Variants in TCF12 observed in about 807,000 individuals in gnomAD.
TCF12 encodes transcription factor 12.
Under a neutral mutation model 86.0 loss-of-function variants are expected in TCF12, and 45 were observed. That is an observed-to-expected ratio of 0.52 (90% CI 0.41 to 0.67). The LOEUF (loss-of-function observed/expected upper bound fraction) is 0.67. Ranked by LOEUF, TCF12 falls within the 30% of genes least tolerant of loss-of-function variation. The probability of loss-of-function intolerance (pLI) is 0.00; values close to 1 mark genes in which losing one functional copy is unlikely to be tolerated. For missense variants in TCF12, 881 were observed against 859.9 expected (o/e 1.02, Z -0.31); for synonymous variants, 330 against 299.6 (o/e 1.10, Z -1.05).
intron 4 of TCF12, among the ~76,000 whole-genome samples, chr15:57,087,812 G>A (rs2048746469): frequency 6.6e-6 from 1 of 152,064 alleles, no homozygotes; most frequent in South Asian, 2.1e-4. Context: ...AAATATTTTG[G>A]TGTTCAATAG....
At chr15:57,179,130 A>C (rs2056158613) in intron 6 of TCF12, among the ~76,000 whole-genome samples, 1 of 152,064 alleles carries the variant, frequency 6.6e-6, no homozygotes, top group Non-Finnish European at 1.5e-5. Flanking sequence ...AAACTACTAG[A>C]TTGTCACGTT....
At chr15:57,085,696 A>G (rs185495406) in intron 4 of TCF12, among the ~76,000 whole-genome samples, 149 of 152,314 alleles carry the variant, frequency 9.8e-4, no homozygotes, top group East Asian at 7.7e-4. Context: ...CAGTAAGAAC[A>G]CTTTTCTCTC....
intron 5 of TCF12, among the ~76,000 whole-genome samples, chr15:57,095,698 G>A (rs1436186816): frequency 6.6e-6 from 1 of 152,054 alleles, no homozygotes; most frequent in Admixed American, 6.6e-5. Flanking sequence ...TGTAATATGT[G>A]GTGGTACAGG....
chr15:57,058,362 T>C (rs1356367026), intron 3 of TCF12, among the ~76,000 whole-genome samples: 2 of 152,242 alleles, frequency 1.3e-5, no homozygotes, highest in East Asian at 1.9e-4. Context: ...AAAATCTATG[T>C]ATGAAAGTCA....
intron 12 of TCF12, among the ~76,000 whole-genome samples, chr15:57,236,835 A>AT (rs1225023181): frequency 2.6e-5 from 4 of 151,036 alleles, no homozygotes; most frequent in Admixed American, 2.0e-4. Flanking sequence ...ATTAGTTTAG[A>AT]TAAAAAAAAA....
chr15:57,150,243 TCTTTGGCCAAGTA>T (rs1278260467), intron 5 of TCF12, among the ~76,000 whole-genome samples: 1 of 152,178 alleles, frequency 6.6e-6, no homozygotes, highest in Non-Finnish European at 1.5e-5. Context: ...TGGTTCCAAG[TCTTTGGCCAAGTA>T]CTGACATGTA....
intron 18 of TCF12, among the ~76,000 whole-genome samples, chr15:57,270,656 T>A (rs4303429): frequency 0.39 from 59,551 of 151,998 alleles, 14,535 homozygotes; most frequent in Non-Finnish European, 0.54. Context: ...TGGCTTTTGG[T>A]ATTTTCAGCC....
At chr15:57,266,385 A>G (rs1019721992) in intron 18 of TCF12, among the ~76,000 whole-genome samples, 3 of 152,016 alleles carry the variant, frequency 2.0e-5, no homozygotes, top group Non-Finnish European at 4.4e-5. Context: ...GCTGCTGCCT[A>G]TTTTTATGTT....
intron 19 of TCF12, among the ~76,000 whole-genome samples, chr15:57,274,499 T>C (rs560516830): frequency 1.1e-4 from 17 of 152,330 alleles, no homozygotes; most frequent in African/African-American, 3.4e-4. Flanking sequence ...CCTTGTGATA[T>C]CCATAAGGAG....
intron 19 of TCF12, 61 bp from the exon 20 acceptor site, chr15:57,282,384 G>A: frequency 6.3e-7 from 1 of 1,599,312 alleles, no homozygotes; most frequent in Non-Finnish European, 8.6e-7. Context: ...AATTTGTTCA[G>A]CTTGAGACCT....
intron 3 of TCF12, among the ~76,000 whole-genome samples, chr15:57,043,885 T>G: frequency 6.6e-6 from 1 of 152,176 alleles, no homozygotes; most frequent in East Asian, 1.9e-4. Context: ...TATTATTAGT[T>G]TTCTAGTTCC....
chr15:57,245,850 T>A (rs1396908448), intron 13 of TCF12, among the ~76,000 whole-genome samples: 1 of 152,178 alleles, frequency 6.6e-6, no homozygotes, highest in Non-Finnish European at 1.5e-5. Flanking sequence ...TTTCACATAC[T>A]TGTGTTGAAA....
intron 19 of TCF12, among the ~76,000 whole-genome samples, chr15:57,280,852 G>T (rs1234314905): frequency 6.6e-6 from 1 of 152,108 alleles, no homozygotes; most frequent in Non-Finnish European, 1.5e-5. Flanking sequence ...AATTACAAAT[G>T]ATCCCTTTAT....
intron 3 of TCF12, among the ~76,000 whole-genome samples, chr15:57,016,496 C>T (rs1479418964): frequency 6.6e-6 from 1 of 152,110 alleles, no homozygotes; most frequent in Non-Finnish European, 1.5e-5. Flanking sequence ...TTGACCTCAC[C>T]TTGCTGCTCA....
chr15:57,023,450 T>TA (rs2065620194), intron 3 of TCF12, among the ~76,000 whole-genome samples: 1 of 152,112 alleles, frequency 6.6e-6, no homozygotes, highest in Admixed American at 6.5e-5. Flanking sequence ...GATCACAACT[T>TA]ACTGATCATT....
At chr15:57,103,849 A>C (rs1271369353) in intron 5 of TCF12, among the ~76,000 whole-genome samples, 2 of 152,106 alleles carry the variant, frequency 1.3e-5, no homozygotes, top group Non-Finnish European at 2.9e-5. Context: ...TACTAAAAAT[A>C]CAAAAAAAAT....
intron 5 of TCF12, among the ~76,000 whole-genome samples, chr15:57,143,891 G>A (rs2053173176): frequency 6.6e-6 from 1 of 152,138 alleles, no homozygotes; most frequent in Admixed American, 6.5e-5. Flanking sequence ...TGGGTGTGGT[G>A]CTTACTTCTG....
chr15:56,929,556 C>T (rs1285020911), intron 3 of TCF12, among the ~76,000 whole-genome samples: 2 of 152,064 alleles, frequency 1.3e-5, no homozygotes, highest in East Asian at 1.9e-4. Context: ...TCATAAAGAC[C>T]ATGGTGAGTC....
chr15:57,047,141 A>C (rs564529933), intron 3 of TCF12, among the ~76,000 whole-genome samples: 1 of 152,262 alleles, frequency 6.6e-6, no homozygotes, highest in Admixed American at 6.5e-5. Flanking sequence ...ACTGTCACCT[A>C]TAAGTATTTT....
Sources: gnomAD v4.1 joint callset for allele counts (sites outside exome capture counted in the v4.1 genomes callset) on GRCh38, gnomAD v4.1.1 for gene constraint, MANE v1.5 for transcripts, NCBI Gene and HGNC (gene_info 2026-07-23, HGNC 2026-07-21) for gene names.